Variants in RRAGB observed in about 807,000 individuals in gnomAD.
RRAGB encodes ras-related GTP-binding protein B.
Under a neutral mutation model 29.3 loss-of-function variants are expected in RRAGB, and 6 were observed. The ratio of observed to expected loss-of-function variants is 0.21; its 90% CI spans 0.11 to 0.40. The LOEUF (loss-of-function observed/expected upper bound fraction) is 0.40. Ranked by LOEUF, RRAGB falls within the 10% of genes least tolerant of loss-of-function variation. The probability of loss-of-function intolerance (pLI) is 1.00; values close to 1 mark genes in which losing one functional copy is unlikely to be tolerated. For missense variants in RRAGB, 184 were observed against 272.9 expected (o/e 0.67, Z 2.29); for synonymous variants, 101 against 92.5 (o/e 1.09, Z -0.53).
chrX:55,747,936 T>G (rs1310280615), intron 5 of RRAGB, among the ~76,000 whole-genome samples: 3 of 110,711 alleles, frequency 2.7e-5, no homozygotes, highest in African/African-American at 9.8e-5. Flanking sequence ...TGGACTGTAC[T>G]GCTGCCATCT....
intron 2 of RRAGB, among the ~76,000 whole-genome samples, chrX:55,720,905 C>T (rs1357716486): frequency 9.0e-6 from 1 of 110,893 alleles, no homozygotes; most frequent in Non-Finnish European, 1.9e-5. Context: ...AAAGAAAGAA[C>T]GAAAAGGAAA....
chrX:55,755,800 C>A (rs2034643165), intron 7 of RRAGB, 41 bp from the exon 8 acceptor site: 1 of 1,167,940 alleles, frequency 8.6e-7, no homozygotes. Flanking sequence ...GATGATGTAA[C>A]TATTTTGCAT....
chrX:55,726,888 G>A (rs775064705), intron 3 of RRAGB, among the ~76,000 whole-genome samples: 2 of 111,403 alleles, frequency 1.8e-5, no homozygotes, highest in Non-Finnish European at 1.9e-5. Flanking sequence ...TTTCTGAGTC[G>A]TCAGTGTCCA....
intron 8 of RRAGB, 79 bp from the exon 9 acceptor site, chrX:55,757,135 CAA>C (rs199722893): frequency 0.011 from 5,209 of 473,445 alleles, 207 homozygotes; most frequent in African/African-American, 0.11. Context: ...CCTCAATCAT[CAA>C]AAGATGTTTA....
intron 3 of RRAGB, among the ~76,000 whole-genome samples, chrX:55,725,308 C>T (rs1233784986): frequency 8.9e-6 from 1 of 111,941 alleles, no homozygotes; most frequent in Non-Finnish European, 1.9e-5. Context: ...ACTGTATCTC[C>T]TTACAGGTAG....
chrX:55,738,594 G>A (rs1016804219), intron 5 of RRAGB, among the ~76,000 whole-genome samples: 2 of 112,584 alleles, frequency 1.8e-5, no homozygotes, highest in African/African-American at 6.5e-5. Context: ...GATGGTGTGG[G>A]TAAATGATGT....
chrX:55,743,266 G>A (rs1362658547), intron 5 of RRAGB, among the ~76,000 whole-genome samples: 2 of 112,449 alleles, frequency 1.8e-5, no homozygotes, highest in South Asian at 7.5e-4. Flanking sequence ...AGAAATGGAT[G>A]CAGGGAAGGC....
chrX:55,752,273 G>A (rs1208638323), intron 6 of RRAGB: 10 of 750,168 alleles, frequency 1.3e-5, no homozygotes, highest in Admixed American at 8.8e-5. Flanking sequence ...TGGACATGAC[G>A]CACTGATAAG....
At chrX:55,736,640 A>C (rs1405935308) in intron 5 of RRAGB, among the ~76,000 whole-genome samples, 1 of 111,164 alleles carries the variant, frequency 9.0e-6, no homozygotes, top group Non-Finnish European at 1.9e-5. Flanking sequence ...TTCTGATTTT[A>C]CTGGGTTTTT....
intron 5 of RRAGB, among the ~76,000 whole-genome samples, chrX:55,737,187 C>G (rs940729495): frequency 8.9e-6 from 1 of 112,218 alleles, no homozygotes; most frequent in African/African-American, 3.2e-5. Context: ...GCTCCTCTCC[C>G]AGGCCAGCAG....
chrX:55,729,393 C>A, intron 4 of RRAGB, 33 bp downstream of exon 4: 1 of 973,725 alleles, frequency 1.0e-6, no homozygotes, highest in Non-Finnish European at 1.5e-6. Context: ...TTTGTGAAGC[C>A]GATGTCAGTA....
intron 8 of RRAGB, among the ~76,000 whole-genome samples, chrX:55,756,540 A>G (rs1428042137): frequency 1.8e-5 from 2 of 112,368 alleles, no homozygotes; most frequent in African/African-American, 3.2e-5. Context: ...GCCTTAGCAC[A>G]CTTTGAGACT....
chrX:55,725,812 C>T (rs992231809), intron 3 of RRAGB, among the ~76,000 whole-genome samples: 5 of 111,633 alleles, frequency 4.5e-5, no homozygotes, highest in Admixed American at 3.8e-4. Context: ...ATTTAATGCT[C>T]TATTACCCTG....
intron 5 of RRAGB, among the ~76,000 whole-genome samples, chrX:55,738,890 A>T (rs761437990): frequency 7.1e-5 from 8 of 112,260 alleles, no homozygotes; most frequent in South Asian, 3.8e-4. Context: ...TGGGTCAAAC[A>T]GATTTGCACT....
chrX:55,748,642 G>C (rs1288758630), intron 5 of RRAGB, among the ~76,000 whole-genome samples: 2 of 105,903 alleles, frequency 1.9e-5, no homozygotes, highest in Non-Finnish European at 2.0e-5. Flanking sequence ...CAACCGCCCC[G>C]CCTGAGAAGT....
chrX:55,755,211 G>C, intron 7 of RRAGB: 1 of 753,536 alleles, frequency 1.3e-6, no homozygotes, highest in East Asian at 1.5e-4. Flanking sequence ...CTTCTGGTGA[G>C]TGACTCAGTT....
chrX:55,756,489 G>T (rs1807008968), intron 8 of RRAGB, among the ~76,000 whole-genome samples: 1 of 112,017 alleles, frequency 8.9e-6, no homozygotes, highest in Non-Finnish European at 1.9e-5. Context: ...CCTGATAACA[G>T]TTTGATTCCA....
chrX:55,739,157 C>T (rs2033965332), intron 5 of RRAGB, among the ~76,000 whole-genome samples: 1 of 112,936 alleles, frequency 8.9e-6, no homozygotes, highest in South Asian at 3.6e-4. Context: ...GAATGCAAAA[C>T]CGCCCCAGGC....
At chrX:55,729,991 G>A (rs1205944253) in intron 4 of RRAGB, among the ~76,000 whole-genome samples, 1 of 111,913 alleles carries the variant, frequency 8.9e-6, no homozygotes, top group Non-Finnish European at 1.9e-5. Context: ...TGTTAGCTGT[G>A]TTATCTTGGG....
Sources: allele counts gnomAD v4.1 joint callset (sites outside exome capture counted in the v4.1 genomes callset), GRCh38; gene constraint gnomAD v4.1.1; transcripts MANE v1.5; gene names NCBI Gene and HGNC (gene_info 2026-07-23, HGNC 2026-07-21).